Variants in EML6 observed in about 807,000 individuals in gnomAD.
EML6 encodes echinoderm microtubule-associated protein-like 6.
A neutral mutation model predicts 240.1 loss-of-function variants in EML6; 154 were observed. The ratio of observed to expected loss-of-function variants is 0.64; its 90% CI spans 0.56 to 0.73. The LOEUF (loss-of-function observed/expected upper bound fraction) is 0.73, where lower values mean the gene tolerates loss of function less well. Among genes scored for constraint, EML6 ranks in the 30% least tolerant of loss-of-function variants. The probability of loss-of-function intolerance (pLI) is 0.00; values close to 1 mark genes in which losing one functional copy is unlikely to be tolerated. For missense variants in EML6, 2,964 were observed against 2,474.6 expected, an observed-to-expected ratio of 1.20 and a Z score of -4.20; for synonymous variants, 1,148 against 899.0, an observed-to-expected ratio of 1.28 and a Z score of -4.95.
At chr2:54,968,523 G>A (rs575249509) in intron 40 of EML6, 145 bp from the exon 41 acceptor site, 6 of 674,820 alleles carry the variant, frequency 8.9e-6, no homozygotes, top group Admixed American at 2.6e-5. Flanking sequence ...TCAGCCAAAG[G>A]CTGGCTAATA....
At chr2:54,860,174 C>G (rs1316767946) in intron 12 of EML6, among the ~76,000 whole-genome samples, 1 of 152,208 alleles carries the variant, frequency 6.6e-6, no homozygotes, top group Non-Finnish European at 1.5e-5. Flanking sequence ...ATCCCCACCA[C>G]CCAACCTCTC....
chr2:54,747,661 T>A (rs1683973389), intron 2 of EML6, among the ~76,000 whole-genome samples: 1 of 152,198 alleles, frequency 6.6e-6, no homozygotes, highest in African/African-American at 2.4e-5. Context: ...GTAAGGGAAA[T>A]TGGAACTTTA....
rs1677022961 is a variant in EML6 at position 54,971,728 on chromosome 2, C to G, written c.*1633C>G. Reference sequence around the variant, plus strand: ...CAGAGTGATAACCATGTCTGCCTATCTTGTACTAGACTCTTCATGCTGATC... The same window carrying G: ...CAGAGTGATAACCATGTCTGCCTATGTTGTACTAGACTCTTCATGCTGATC... On this transcript the variant is annotated 3_prime_UTR_variant, in exon 42 of 42. Coordinates refer to ENST00000356458, the MANE Select transcript of EML6 (RefSeq NM_001039753.4). 1 of 152,184 alleles carries G rather than the reference C, an allele frequency of 6.6e-6. No individual in the cohort carries two copies. The highest frequency in any genetic ancestry group is 1.5e-5 in the Non-Finnish European group (1 of 68,040). The allele number at this position is 152,184 out of a possible 1,614,324, so 9.4% of individuals were successfully genotyped here.
intron 2 of EML6, among the ~76,000 whole-genome samples, chr2:54,783,631 G>C (rs900716774): frequency 5.3e-5 from 8 of 152,210 alleles, no homozygotes; most frequent in African/African-American, 1.9e-4. Flanking sequence ...CTGAATTGCG[G>C]CTAGTTTGAA....
Position 54,725,383 on chromosome 2 carries a change from G to A in EML6, c.197+125G>A. ...AGAGGATTCTCTCTGGAGCCGCATG[G>A]AATTACTGAAGGGCTGCTGATTCTA... is the stretch of plus-strand genomic sequence containing the variant. On this transcript the variant is annotated intron_variant, in intron 2 of 41. Transcript: ENST00000356458. The surrounding 1 kb of genome is among the most constrained non-coding windows in gnomAD (Gnocchi z 4.3). 1 of 676,230 alleles carries A rather than the reference G, an allele frequency of 1.5e-6. No individual in the cohort carries two copies. Among genetic ancestry groups the A allele is most frequent in the South Asian group, 2.7e-5 (1 of 36,492 alleles). 41.9% of individuals were successfully genotyped at this position (676,230 alleles called of 1,614,324 possible).
chr2:54,818,347 C>A (rs2567975), intron 4 of EML6, among the ~76,000 whole-genome samples: 5 of 152,002 alleles, frequency 3.3e-5, no homozygotes, highest in Non-Finnish European at 5.9e-5. Context: ...ACCTAGCTTG[C>A]TAAGTGACCA....
At chr2:54,892,736 T>C (rs1573086443) in intron 19 of EML6, 80 bp downstream of exon 19, 2 of 1,092,380 alleles carry the variant, frequency 1.8e-6, no homozygotes, top group Non-Finnish European at 1.3e-6. Context: ...CCCAAGAGGA[T>C]GCCTGTATCT....
At chr2:54,801,954 A>G (rs954738757) in intron 2 of EML6, among the ~76,000 whole-genome samples, 6 of 152,220 alleles carry the variant, frequency 3.9e-5, no homozygotes, top group African/African-American at 1.4e-4. Flanking sequence ...AGAGTTCGTG[A>G]CAGGAATTTT....
intron 26 of EML6, among the ~76,000 whole-genome samples, chr2:54,922,824 A>G (rs1674330211): frequency 6.6e-6 from 1 of 152,168 alleles, no homozygotes; most frequent in African/African-American, 2.4e-5. Flanking sequence ...GATCTCACAT[A>G]TACGTGGAAG....
chr2:54,960,749 C>G (rs934638691), intron 35 of EML6, among the ~76,000 whole-genome samples: 2 of 152,132 alleles, frequency 1.3e-5, no homozygotes, highest in African/African-American at 4.8e-5. Flanking sequence ...AGGGTAAGGG[C>G]CACCAAACTG....
At chr2:54,944,453 C>T (rs931118690) in intron 28 of EML6, among the ~76,000 whole-genome samples, 1 of 152,136 alleles carries the variant, frequency 6.6e-6, no homozygotes, top group Non-Finnish European at 1.5e-5. Flanking sequence ...GTTTTCTTCT[C>T]CATAACCACT....
chr2:54,737,242 A>G (rs1392921655), intron 2 of EML6, among the ~76,000 whole-genome samples: 4 of 152,154 alleles, frequency 2.6e-5, no homozygotes, highest in Non-Finnish European at 5.9e-5. Context: ...TTTACTCTCA[A>G]ATGGTTCAGT....
chr2:54,894,944 C>G lies in EML6; in HGVS notation c.2772C>G (p.Ile924Met), dbSNP rs550151187. Reference sequence around the variant, plus strand: ...TTGTAACAGGTGGAAAGGACGGCATCGTGGAGCTCTGGGATGATATGTTTG... The same window carrying G: ...TTGTAACAGGTGGAAAGGACGGCATGGTGGAGCTCTGGGATGATATGTTTG... ...KGFVTGGKDG[I>M]VELWDDMFER... is the part of the protein sequence containing the mutation. The change falls in exon 20 of 42, where the codon ATC becomes ATG. Residue 924 changes from isoleucine to methionine, a missense_variant. Physicochemically the swap from Ile to Met is conservative, Grantham distance 10. Coordinates refer to ENST00000356458, the MANE Select transcript of EML6 (RefSeq NM_001039753.4). The G allele has an allele frequency of 9.7e-6, 15 of 1,551,100 alleles. No homozygotes were observed. The highest frequency in any genetic ancestry group is 9.6e-5 in the African/African-American group (7 of 72,996).
intron 2 of EML6, among the ~76,000 whole-genome samples, chr2:54,763,874 G>T (rs1051799077): frequency 5.3e-5 from 8 of 152,292 alleles, no homozygotes; most frequent in African/African-American, 1.7e-4. Context: ...TCCCTTCTCT[G>T]CCAGAGCGAG....
rs374964266 is a variant in EML6 at position 54,959,244 on chromosome 2, C to T, written c.4836C>T (p.Thr1612=). The change falls in exon 34 of 42, where the codon ACC becomes ACT. Residue 1612 remains threonine (T), a synonymous_variant. Transcript: ENST00000356458. ...YTTLRDGLIV[T]GGKERPTKEG... ...CCCTTCGGGATGGACTCATAGTGAC[C>T]GGCGGAAAAGAGAGGCCGTAAGCCA... 3.2e-4 allele frequency: 486 copies of T among 1,538,026 alleles called. 1 individual carries two copies. The highest frequency in any genetic ancestry group is 1.0e-3 in the Admixed American group (50 of 49,028).
chr2:54,766,027 C>T (rs982832841), intron 2 of EML6, among the ~76,000 whole-genome samples: 1 of 152,250 alleles, frequency 6.6e-6, no homozygotes, highest in East Asian at 1.9e-4. Flanking sequence ...TCCACCTCCT[C>T]CTCTCACACT....
At chr2:54,967,473 A>G (rs1020196563) in intron 39 of EML6, among the ~76,000 whole-genome samples, 1 of 152,204 alleles carries the variant, frequency 6.6e-6, no homozygotes, top group African/African-American at 2.4e-5. Context: ...GATGAGAAAC[A>G]ATGGCTAATT....
chr2:54,903,616 C>A (rs978442855), intron 24 of EML6, 114 bp downstream of exon 24: 214 of 607,364 alleles, frequency 3.5e-4, no homozygotes, highest in East Asian at 4.6e-4. Flanking sequence ...AGGGGAATCC[C>A]ACAACAATAT....
At chr2:54,862,199 C>T (rs1244141777) in intron 12 of EML6, among the ~76,000 whole-genome samples, 1 of 151,608 alleles carries the variant, frequency 6.6e-6, no homozygotes, top group African/African-American at 2.4e-5. Flanking sequence ...ATTAGCCAGG[C>T]AAGGTGGAGC....
Sources: gnomAD v4.1 joint callset for allele counts (sites outside exome capture counted in the v4.1 genomes callset) on GRCh38, gnomAD v4.1.1 for gene constraint, Gnocchi (gnomAD v3.1) non-coding constraint, MANE v1.5 for transcripts, NCBI Gene and HGNC (gene_info 2026-07-23, HGNC 2026-07-21) for gene names.